The following THOC7 variants were observed in gnomAD, a reference collection of about 807,000 sequenced individuals.
THOC7 encodes THO complex subunit 7.
A neutral mutation model predicts 33.1 loss-of-function variants in THOC7; 22 were observed. The observed-to-expected ratio is 0.66, with a 90% CI of 0.47 to 0.95. The LOEUF (loss-of-function observed/expected upper bound fraction) is 0.95, where lower values mean the gene tolerates loss of function less well. THOC7 is among the 40% of genes least tolerant of loss of function. The probability of loss-of-function intolerance (pLI) is 0.00; values close to 1 mark genes in which losing one functional copy is unlikely to be tolerated. For missense variants in THOC7, 184 were observed against 245.3 expected, an observed-to-expected ratio of 0.75 and a Z score of 1.67; for synonymous variants, 77 against 76.8, an observed-to-expected ratio of 1.00 and a Z score of -0.01.
chr3:63,848,091 G>A (rs1383351872), intron 1 of THOC7, among the ~76,000 whole-genome samples: 1 of 152,086 alleles, frequency 6.6e-6, no homozygotes, highest in East Asian at 1.9e-4. Context: ...ATAAATTGAA[G>A]TATTTTACTC....
chr3:63,862,152 T>C (rs1191426061), intron 1 of THOC7, among the ~76,000 whole-genome samples: 1 of 152,186 alleles, frequency 6.6e-6, no homozygotes, highest in Non-Finnish European at 1.5e-5. Context: ...TTTTAATGGA[T>C]TCCTATTGCC....
chr3:63,848,768 CTTCT>C (rs567074960), intron 1 of THOC7: 104 of 152,170 alleles, frequency 6.8e-4, no homozygotes, highest in African/African-American at 2.3e-3. Context: ...GTTTTCATGG[CTTCT>C]TTATTTGAAA....
intron 1 of THOC7, among the ~76,000 whole-genome samples, chr3:63,858,033 A>G (rs1268853406): frequency 1.3e-5 from 2 of 152,226 alleles, no homozygotes; most frequent in Non-Finnish European, 2.9e-5. Context: ...CCCAAAAACA[A>G]AAGAACCCTG....
intron 1 of THOC7, among the ~76,000 whole-genome samples, chr3:63,841,991 A>G (rs1168956131): frequency 6.6e-6 from 1 of 152,226 alleles, no homozygotes; most frequent in Non-Finnish European, 1.5e-5. Flanking sequence ...TTTCAAATGT[A>G]AATACATTAA....
intron 4 of THOC7, among the ~76,000 whole-genome samples, chr3:63,836,668 C>G (rs1056184386): frequency 2.0e-5 from 3 of 151,846 alleles, no homozygotes; most frequent in Non-Finnish European, 4.4e-5. Flanking sequence ...TAGACTGATT[C>G]TGAGAAGGAT....
At chr3:63,853,458 C>T (rs1477698285) in intron 1 of THOC7, among the ~76,000 whole-genome samples, 1 of 152,104 alleles carries the variant, frequency 6.6e-6, no homozygotes, top group East Asian at 1.9e-4. Context: ...TGTATATTCA[C>T]GTAAGACCAA....
rs772397913 is a variant in THOC7 at position 63,834,115 on chromosome 3, G to A, written c.*17C>T. 1 of 1,613,344 alleles carries A rather than the reference G, an allele frequency of 6.2e-7. No homozygotes were observed. Among genetic ancestry groups the A allele is most frequent in the South Asian group, 1.1e-5 (1 of 91,020 alleles). ...AGCTATTTCAATATTCCTGGGAGTG[G>A]TGGGCAATTAGCCTGTCTATGGCTT... On this transcript the variant is annotated 3_prime_UTR_variant, in exon 8 of 8. Transcript: ENST00000295899.
chr3:63,851,298 G>C (rs1341541514), intron 1 of THOC7, among the ~76,000 whole-genome samples: 1 of 152,208 alleles, frequency 6.6e-6, no homozygotes, highest in Admixed American at 6.5e-5. Flanking sequence ...TAGAAACTCA[G>C]AATGATGGCA....
intron 1 of THOC7, among the ~76,000 whole-genome samples, chr3:63,852,168 G>T (rs922298577): frequency 3.9e-5 from 6 of 152,322 alleles, no homozygotes; most frequent in Non-Finnish European, 5.9e-5. Flanking sequence ...CATGCAGAAT[G>T]CAAGTTGTTC....
rs1701574996 is a variant in THOC7, at chr3:63,834,091, G to T, written c.*41C>A. On this transcript the variant is annotated 3_prime_UTR_variant, in exon 8 of 8. Transcript: ENST00000295899. The stretch of plus-strand genomic sequence containing the variant: ...ATTTTAAACACATTATGGTCATGTA[G>T]CTATTTCAATATTCCTGGGAGTGGT... 2.5e-6 allele frequency: 4 copies of T among 1,597,198 alleles called. No individual in the cohort carries two copies. The highest frequency in any genetic ancestry group is 1.7e-5 in the Admixed American group (1 of 59,764).
chr3:63,844,804 G>A (rs1225145358), intron 1 of THOC7, among the ~76,000 whole-genome samples: 2 of 152,094 alleles, frequency 1.3e-5, no homozygotes, highest in African/African-American at 2.4e-5. Flanking sequence ...CCACCCTCTA[G>A]AACCATAAGT....
intron 1 of THOC7, among the ~76,000 whole-genome samples, chr3:63,862,919 T>C (rs1354590872): frequency 2.6e-5 from 4 of 152,008 alleles, no homozygotes; most frequent in Admixed American, 2.6e-4. Flanking sequence ...CCTTAGACTG[T>C]CCACAAACCC....
chr3:63,847,563 C>G (rs1311114728), intron 1 of THOC7, among the ~76,000 whole-genome samples: 2 of 152,090 alleles, frequency 1.3e-5, no homozygotes, highest in South Asian at 2.1e-4. Flanking sequence ...AAGGCGAAAC[C>G]CTGTTTCTAC....
At chr3:63,834,299 A>G in intron 7 of THOC7, 100 bp from the exon 8 acceptor site, 1 of 1,155,508 alleles carries the variant, frequency 8.7e-7, no homozygotes, top group Non-Finnish European at 1.2e-6. Flanking sequence ...AGCCAATACA[A>G]TTAAAGCTAA....
intron 1 of THOC7, 56 bp downstream of exon 1, chr3:63,863,716 A>C (rs1702301808): frequency 8.0e-7 from 1 of 1,248,086 alleles, no homozygotes; most frequent in Non-Finnish European, 1.0e-6. Context: ...CAGGGGTCTC[A>C]GGGGAGGCCC....
At chr3:63,857,304 C>G (rs1559609891) in intron 1 of THOC7, among the ~76,000 whole-genome samples, 1 of 152,112 alleles carries the variant, frequency 6.6e-6, no homozygotes, top group East Asian at 1.9e-4. Context: ...GGGTGGTAAA[C>G]TTATTTATCA....
intron 1 of THOC7, among the ~76,000 whole-genome samples, chr3:63,840,824 T>G (rs376490713): frequency 6.6e-6 from 1 of 152,230 alleles, no homozygotes; most frequent in Non-Finnish European, 1.5e-5. Flanking sequence ...AAAACTGCAC[T>G]TTTATACACT....
intron 1 of THOC7, among the ~76,000 whole-genome samples, chr3:63,853,907 CAA>C (rs1172783360): frequency 2.9e-4 from 21 of 71,916 alleles, no homozygotes; most frequent in East Asian, 4.4e-4. Context: ...GACTCCGTCT[CAA>C]AAAAAAAAAA....
Position 63,833,975 on chromosome 3 carries a change from C to T in THOC7, c.*157G>A. 1.5e-6 allele frequency: 1 copy of T among 660,856 alleles called. No individual in the cohort carries two copies. Among genetic ancestry groups the T allele is most frequent in the Non-Finnish European group, 2.4e-6 (1 of 411,084 alleles). 40.9% of individuals were successfully genotyped at this position (660,856 alleles called of 1,614,324 possible). A position where few individuals can be genotyped will look rare whatever the true frequency, so the allele number is the denominator to read the frequency against. On this transcript the variant is annotated 3_prime_UTR_variant, in exon 8 of 8. Coordinates refer to ENST00000295899, the MANE Select transcript of THOC7 (RefSeq NM_025075.4). ...ACAAATCTATACTGAAGTCATTTTC[C>T]TTTGTGAGAGGAAATATGAATGAAA...
Sources: gnomAD v4.1 joint callset for allele counts (sites outside exome capture counted in the v4.1 genomes callset) on GRCh38, gnomAD v4.1.1 for gene constraint, MANE v1.5 for transcripts, NCBI Gene and HGNC (gene_info 2026-07-23, HGNC 2026-07-21) for gene names.